The following TCN2 variants were observed in gnomAD, a reference collection of about 807,000 sequenced individuals.
TCN2 encodes the protein transcobalamin 2, also known as transcobalamin-2.
TCN2 carries 34 observed loss-of-function variants against 48.6 expected under a neutral mutation model. That is an observed-to-expected ratio of 0.70 (90% confidence interval 0.53 to 0.93). The LOEUF is 0.93. Ranked by LOEUF, TCN2 falls within the 40% of genes least tolerant of loss-of-function variation. The pLI, the probability that TCN2 is intolerant of heterozygous loss-of-function variation, is 0.00. For missense variants in TCN2, 652 were observed against 526.1 expected, an observed-to-expected ratio of 1.24 and a Z score of -2.34; for synonymous variants, 283 against 212.5, an observed-to-expected ratio of 1.33 and a Z score of -2.89.
intron 1 of TCN2, among the ~76,000 whole-genome samples, chr22:30,608,236 C>T (rs1471485068): frequency 1.3e-5 from 2 of 152,228 alleles, no homozygotes; most frequent in African/African-American, 2.4e-5. Context: ...TCTCTTGAGA[C>T]CCTGGGGAAA....
intron 8 of TCN2, among the ~76,000 whole-genome samples, chr22:30,623,933 T>TATATATACACACATATATACACAC (rs2087755606): frequency 2.5e-5 from 2 of 79,416 alleles, no homozygotes; most frequent in Non-Finnish European, 4.6e-5. Context: ...TATGTATACA[T>TATATATACACACATATATACACAC]ATATACACAC....
Position 30,623,859 on chromosome 22 carries a change from T to TATATACACATATACAC in TCN2, c.1222+777_1222+778insTATACACATATACACA, listed in dbSNP as rs2087748274. Among the ~76,000 whole-genome samples the TATATACACATATACAC allele has an allele frequency of 6.1e-5, 3 of 48,814 alleles. 1 individual carries two copies. The highest frequency in any genetic ancestry group is 1.1e-4 in the Non-Finnish European group (3 of 27,308). 32.0% of individuals were successfully genotyped at this position (48,814 alleles called of 152,430 possible). A position where few individuals can be genotyped will look rare whatever the true frequency, so the allele number is the denominator to read the frequency against. On this transcript the variant is annotated intron_variant, in intron 8 of 8. Transcript: ENST00000215838. ...ATACACACACATACATACACATACA[T>TATATACACATATACAC]ACACACATATATACACACATATATA...
At position 30,623,863 on chromosome 22, in the gene TCN2, CACAT is replaced by C. The variant is rs1397914837; in HGVS notation, c.1222+782_1222+785del. ...ACACACATACATACACATACATACA[CACAT>C]ATATACACACATATATACACACATA... On this transcript the variant is annotated intron_variant, in intron 8 of 8. Transcript: ENST00000215838. Among the ~76,000 whole-genome samples the C allele has an allele frequency of 1.0e-4, 7 of 67,780 alleles. 1 individual carries two copies. Among genetic ancestry groups the C allele is most frequent in the South Asian group, 6.3e-4 (2 of 3,182 alleles). 44.5% of individuals were successfully genotyped at this position (67,780 alleles called of 152,430 possible). A position where few individuals can be genotyped will look rare whatever the true frequency, so the allele number is the denominator to read the frequency against.
At position 30,615,625 on chromosome 22, in the gene TCN2, G is replaced by T. The variant is rs768896953; in HGVS notation, c.778G>T (p.Gly260Trp). ...LQFLMTSPMR[G>W]AELGTACLKA... is the part of the protein sequence containing the mutation. ...GTTCCTCATGACTTCCCCCATGCGT[G>T]GGGCAGAACTGGGAACAGCATGTCT... Residue 260 changes from glycine to tryptophan, a missense_variant, in exon 6 of 9, where the codon GGG becomes TGG. Transcript: ENST00000215838. 1.2e-6 allele frequency: 2 copies of T among 1,614,088 alleles called. No individual in the cohort carries two copies. The highest frequency in any genetic ancestry group is 1.7e-6 in the Non-Finnish European group (2 of 1,179,998).
At chr22:30,617,540 G>A (rs779341293) in intron 7 of TCN2, 45 bp downstream of exon 7, 1 of 1,613,070 alleles carries the variant, frequency 6.2e-7, no homozygotes, top group South Asian at 1.1e-5. Context: ...AACCTCACAT[G>A]CCTGATAACA....
intron 8 of TCN2, among the ~76,000 whole-genome samples, chr22:30,623,978 A>G (rs1371905956): frequency 1.5e-5 from 1 of 67,258 alleles, no homozygotes; most frequent in Non-Finnish European, 3.2e-5. Context: ...ACACATATAT[A>G]TGTATACATA....
intron 8 of TCN2, 145 bp from the exon 9 acceptor site, chr22:30,626,315 C>CTTTA (rs1264100136): frequency 2.5e-5 from 21 of 825,896 alleles, no homozygotes; most frequent in Non-Finnish European, 3.5e-5. Context: ...TTTGAGCAGG[C>CTTTA]TTTAGGGAGG....
chr22:30,614,199 C>G (rs1164222276), intron 3 of TCN2, 150 bp from the exon 4 acceptor site: 1 of 1,050,504 alleles, frequency 9.5e-7, no homozygotes, highest in Non-Finnish European at 1.4e-6. Context: ...AGTGAGACCT[C>G]AGCACGTATG....
intron 7 of TCN2, among the ~76,000 whole-genome samples, chr22:30,621,750 C>T (rs2087703171): frequency 6.6e-6 from 1 of 152,176 alleles, no homozygotes; most frequent in Non-Finnish European, 1.5e-5. Flanking sequence ...TCCCAAAGTG[C>T]TGGGATTACA....
chr22:30,623,965 CACACACATATATAT>C lies in TCN2; in HGVS notation c.1222+883_1222+896del, dbSNP rs2087758902. On this transcript the variant is annotated intron_variant, in intron 8 of 8. Coordinates refer to ENST00000215838, the MANE Select transcript of TCN2 (RefSeq NM_000355.4). ...ACACACACATATGTATACATATATA[CACACACATATATAT>C]GTATACATATATACACACATATATA... Among the ~76,000 whole-genome samples, 127 of 18,532 alleles carry C rather than the reference CACACACATATATAT, an allele frequency of 6.9e-3. 10 individuals are homozygous for C. Among genetic ancestry groups the C allele is most frequent in the Non-Finnish European group, 8.1e-3 (86 of 10,558 alleles). 12.2% of individuals were successfully genotyped at this position (18,532 alleles called of 152,430 possible). A position where few individuals can be genotyped will look rare whatever the true frequency, so the allele number is the denominator to read the frequency against.
chr22:30,615,589 CTCTA>C lies in TCN2; in HGVS notation c.754-9_754-6del. On this transcript the variant is annotated splice_polypyrimidine_tract_variant and splice_region_variant and intron_variant, in intron 5 of 8. Transcript: ENST00000215838. ...GCTGACTTCCTCTCTCTCTTCCTCA[CTCTA>C]TCACCAGTTCCTCATGACTTCCCCC... The C allele has an allele frequency of 6.2e-7, 1 of 1,614,138 alleles. No individual in the cohort carries two copies. The highest frequency in any genetic ancestry group is 8.5e-7 in the Non-Finnish European group (1 of 1,180,010).
At chr22:30,621,748 T>C (rs2087703045) in intron 7 of TCN2, among the ~76,000 whole-genome samples, 1 of 152,164 alleles carries the variant, frequency 6.6e-6, no homozygotes, top group Non-Finnish European at 1.5e-5. Context: ...CCTCCCAAAG[T>C]GCTGGGATTA....
intron 7 of TCN2, among the ~76,000 whole-genome samples, chr22:30,618,705 A>G (rs1002602770): frequency 6.6e-6 from 1 of 152,080 alleles, no homozygotes; most frequent in Non-Finnish European, 1.5e-5. Flanking sequence ...GTGCAGTGGC[A>G]CATTCATAGC....
intron 8 of TCN2, among the ~76,000 whole-genome samples, chr22:30,625,619 A>G (rs981846342): frequency 1.3e-5 from 2 of 152,032 alleles, no homozygotes; most frequent in Non-Finnish European, 2.9e-5. Context: ...CATGGCACAA[A>G]GCCCAGCTAA....
intron 6 of TCN2, 54 bp from the exon 7 acceptor site, chr22:30,617,276 A>C: frequency 6.2e-7 from 1 of 1,612,498 alleles, no homozygotes; most frequent in Non-Finnish European, 8.5e-7. Context: ...GAAGACAAAT[A>C]ATCCAGGCTC....
In TCN2 at chr22:30,615,398, G is replaced by T; in HGVS notation, c.678G>T (p.Val226=). Residue 226 remains valine, a synonymous_variant, in exon 5 of 9, where the codon GTG becomes GTT. Coordinates refer to ENST00000215838, the MANE Select transcript of TCN2 (RefSeq NM_000355.4). ...GGATCACCATGGCCATCAGAACAGT[G>T]CGAGAGGAGATCTTGAAGGCCCAGA... ...RQRITMAIRT[V]REEILKAQTP... 6.2e-7 allele frequency: 1 copy of T among 1,614,202 alleles called. No homozygotes were observed. The highest frequency in any genetic ancestry group is 8.5e-7 in the Non-Finnish European group (1 of 1,180,036).
At chr22:30,617,303 C>CT in intron 6 of TCN2, 27 bp from the exon 7 acceptor site, 1 of 1,614,048 alleles carries the variant, frequency 6.2e-7, no homozygotes, top group Non-Finnish European at 8.5e-7. Flanking sequence ...CTCACACCAG[C>CT]TGCCCGCCCC....
intron 7 of TCN2, among the ~76,000 whole-genome samples, chr22:30,620,542 G>A (rs1243369488): frequency 2.6e-5 from 4 of 152,294 alleles, no homozygotes; most frequent in East Asian, 1.9e-4. Context: ...GGCACATAAC[G>A]CAATGCTGCT....
At chr22:30,616,514 AAGG>A (rs1352862222) in intron 6 of TCN2, among the ~76,000 whole-genome samples, 2 of 149,792 alleles carry the variant, frequency 1.3e-5, no homozygotes, top group Non-Finnish European at 3.0e-5. Context: ...AATGGAGAAG[AAGG>A]AAGCTGGACA....
Sources: allele counts gnomAD v4.1 joint callset (sites outside exome capture counted in the v4.1 genomes callset), GRCh38; gene constraint gnomAD v4.1.1; transcripts MANE v1.5; gene names NCBI Gene and HGNC (gene_info 2026-07-23, HGNC 2026-07-21).